Variants in TIMP3 observed in about 807,000 individuals in gnomAD.
TIMP3 encodes the protein TIMP metallopeptidase inhibitor 3, also known as metalloproteinase inhibitor 3.
A neutral mutation model predicts 30.0 loss-of-function variants in TIMP3; 11 were observed. That is an observed-to-expected ratio of 0.37 (90% CI 0.23 to 0.61). The LOEUF is 0.61. Among genes scored for constraint, TIMP3 ranks in the 20% least tolerant of loss-of-function variants. The pLI, the probability that TIMP3 is intolerant of heterozygous loss-of-function variation, is 0.70. For synonymous variants in TIMP3, 112 were observed against 111.3 expected, an observed-to-expected ratio of 1.01 and a Z score of -0.04; for missense variants, 181 against 276.8, an observed-to-expected ratio of 0.65 and a Z score of 2.45.
chr22:32,833,562 C>A (rs772495589), intron 1 of TIMP3, among the ~76,000 whole-genome samples: 2 of 152,160 alleles, frequency 1.3e-5, no homozygotes, highest in Non-Finnish European at 2.9e-5. Context: ...GAAGGTCCCA[C>A]CCAACCTAAA....
intron 1 of TIMP3, among the ~76,000 whole-genome samples, chr22:32,816,650 T>C: frequency 6.6e-6 from 1 of 152,210 alleles, no homozygotes; most frequent in East Asian, 1.9e-4. Flanking sequence ...CACTCCCTTT[T>C]GCCCTATCAT....
chr22:32,843,593 G>C (rs1419457537), intron 1 of TIMP3, among the ~76,000 whole-genome samples: 2 of 152,182 alleles, frequency 1.3e-5, no homozygotes, highest in Non-Finnish European at 2.9e-5. Context: ...AGACAAGCTG[G>C]GTGACAGGGA....
intron 1 of TIMP3, among the ~76,000 whole-genome samples, chr22:32,815,714 C>T (rs2047072225): frequency 6.6e-6 from 1 of 152,174 alleles, no homozygotes; most frequent in Non-Finnish European, 1.5e-5. Context: ...CCTCATTCCA[C>T]TTTGCAGATG....
At chr22:32,815,910 C>G (rs1429899770) in intron 1 of TIMP3, among the ~76,000 whole-genome samples, 1 of 152,194 alleles carries the variant, frequency 6.6e-6, no homozygotes, top group African/African-American at 2.4e-5. Context: ...GGTCTGTGGT[C>G]TTCACCGCCC....
chr22:32,857,372 C>G lies in TIMP3; in HGVS notation c.316+12C>G. 1 of 1,603,402 alleles carries G rather than the reference C, an allele frequency of 6.2e-7. No individual in the cohort carries two copies. Among genetic ancestry groups the G allele is most frequent in the Non-Finnish European group, 8.5e-7 (1 of 1,170,346 alleles). ...GTACCTGCTGACAGGTAATGGCCAACTCTAGCTTCTAGGCCAGGGTTTGGC... is the reference window on the plus strand; with the variant it reads ...GTACCTGCTGACAGGTAATGGCCAAGTCTAGCTTCTAGGCCAGGGTTTGGC... On this transcript the variant is annotated intron_variant, in intron 3 of 4. Transcript: ENST00000266085.
chr22:32,839,437 T>C (rs2047831458), intron 1 of TIMP3, among the ~76,000 whole-genome samples: 1 of 152,100 alleles, frequency 6.6e-6, no homozygotes. Context: ...GGTGAACACT[T>C]TGAGGTAGTC....
chr22:32,858,056 A>G lies in TIMP3; in HGVS notation c.356A>G (p.Asn119Ser), dbSNP rs2048422828. 3.7e-6 allele frequency: 6 copies of G among 1,614,034 alleles called. No individual in the cohort carries two copies. The highest frequency in any genetic ancestry group is 1.1e-5 in the South Asian group (1 of 91,084). Residue 119 changes from asparagine (N) to serine (S), a missense_variant, in exon 4 of 5, where the codon AAC (asparagine) becomes AGC (serine). This residue lies in a region of TIMP3 where 63 missense variants were observed against 133.3 expected (regional missense o/e 0.47). Coordinates refer to ENST00000266085, the MANE Select transcript of TIMP3 (RefSeq NM_000362.5). ...GGCAAGATGTACACGGGGCTGTGCA[A>G]CTTCGTGGAGAGGTGGGACCAGCTC... ...YDGKMYTGLC[N>S]FVERWDQLTL...
At chr22:32,843,698 C>T (rs1434428433) in intron 1 of TIMP3, among the ~76,000 whole-genome samples, 2 of 152,146 alleles carry the variant, frequency 1.3e-5, no homozygotes, top group African/African-American at 2.4e-5. Context: ...GCCGAAGATG[C>T]GAGCCCATGG....
intron 1 of TIMP3, among the ~76,000 whole-genome samples, chr22:32,845,428 G>A (rs1429852151): frequency 1.3e-5 from 2 of 151,982 alleles, no homozygotes; most frequent in Non-Finnish European, 2.9e-5. Context: ...TTGACCTCGT[G>A]ATCTGCCCAC....
At chr22:32,842,325 C>A (rs1235688891) in intron 1 of TIMP3, among the ~76,000 whole-genome samples, 1 of 152,076 alleles carries the variant, frequency 6.6e-6, no homozygotes, top group African/African-American at 2.4e-5. Context: ...ATCAGAGGGA[C>A]CCAGTCCAGG....
At chr22:32,854,498 C>T (rs553292158) in intron 2 of TIMP3, among the ~76,000 whole-genome samples, 4 of 152,076 alleles carry the variant, frequency 2.6e-5, no homozygotes, top group Admixed American at 6.5e-5. Flanking sequence ...AGACCTAGAG[C>T]GAGTGCTTAG....
chr22:32,854,719 G>A (rs757789412), intron 2 of TIMP3, among the ~76,000 whole-genome samples: 8 of 152,132 alleles, frequency 5.3e-5, no homozygotes, highest in South Asian at 4.1e-4. Flanking sequence ...CGCCCCCACC[G>A]CGTAATTGAA....
At chr22:32,827,741 C>T (rs375553313) in intron 1 of TIMP3, among the ~76,000 whole-genome samples, 9 of 152,220 alleles carry the variant, frequency 5.9e-5, no homozygotes, top group Middle Eastern at 3.2e-3. Context: ...GAAGTTTCTA[C>T]GGGATCTGGC....
chr22:32,839,653 C>T (rs2047837093), intron 1 of TIMP3, among the ~76,000 whole-genome samples: 1 of 152,116 alleles, frequency 6.6e-6, no homozygotes, highest in South Asian at 2.1e-4. Context: ...TGACTTTAAG[C>T]AGTTAGATTA....
chr22:32,825,267 A>T (rs2047368378), intron 1 of TIMP3, among the ~76,000 whole-genome samples: 1 of 152,174 alleles, frequency 6.6e-6, no homozygotes, highest in Non-Finnish European at 1.5e-5. Context: ...CTGGCGGAAG[A>T]TCTGCTGACT....
At chr22:32,822,472 G>A (rs1220880429) in intron 1 of TIMP3, among the ~76,000 whole-genome samples, 3 of 152,184 alleles carry the variant, frequency 2.0e-5, no homozygotes, top group Non-Finnish European at 4.4e-5. Context: ...GTGACGTCTG[G>A]GGAGGGAAGT....
chr22:32,818,945 C>T (rs534559088), intron 1 of TIMP3, among the ~76,000 whole-genome samples: 4 of 152,312 alleles, frequency 2.6e-5, no homozygotes, highest in African/African-American at 9.6e-5. Flanking sequence ...AGCTACTCCT[C>T]GCCCCCTCCT....
rs199695207 is a variant in TIMP3 at position 32,807,865 on chromosome 22, TA to T, written c.121+5744del. 8.5e-3 allele frequency among the ~76,000 whole-genome samples: 1,293 copies of T among 152,246 alleles called. 19 individuals are homozygous for T. Among genetic ancestry groups the T allele is most frequent in the African/African-American group, 0.027 (1,141 of 41,546 alleles). On this transcript the variant is annotated intron_variant, in intron 1 of 4. Coordinates refer to ENST00000266085, the MANE Select transcript of TIMP3 (RefSeq NM_000362.5). ...GGCTGTGTTAACACAGTTCTTTTCA[TA>T]TATGCAACATGAGGGGATGGAGGAA...
At chr22:32,842,304 A>T (rs1179142091) in intron 1 of TIMP3, among the ~76,000 whole-genome samples, 1 of 152,120 alleles carries the variant, frequency 6.6e-6, no homozygotes, top group Admixed American at 6.5e-5. Context: ...GTGGTGATCA[A>T]TAGGCTGGGA....
Sources: gnomAD v4.1 joint callset for allele counts (sites outside exome capture counted in the v4.1 genomes callset) on GRCh38, gnomAD v4.1.1 for gene constraint, gnomAD v4.1.1 regional missense constraint, MANE v1.5 for transcripts, NCBI Gene and HGNC (gene_info 2026-07-23, HGNC 2026-07-21) for gene names.